Variants in HACD2 observed in about 807,000 individuals in gnomAD.
The protein encoded by HACD2 is 3-hydroxyacyl-CoA dehydratase 2.
HACD2 carries 15 observed loss-of-function variants against 31.0 expected under a neutral mutation model. The ratio of observed to expected loss-of-function variants is 0.48; its 90% CI spans 0.32 to 0.75. The LOEUF is 0.75. HACD2 is among the 30% of genes least tolerant of loss of function. HACD2 has a pLI of 0.03. For synonymous variants in HACD2, 115 were observed against 122.2 expected (o/e 0.94, Z 0.39); for missense variants, 283 against 313.0 (o/e 0.90, Z 0.72).
intron 1 of HACD2, among the ~76,000 whole-genome samples, chr3:123,582,589 C>T (rs77002070): frequency 6.6e-6 from 1 of 152,036 alleles, no homozygotes; most frequent in Non-Finnish European, 1.5e-5. Context: ...GGCAACTTTG[C>T]TATTGAGATC....
intron 3 of HACD2, among the ~76,000 whole-genome samples, chr3:123,542,769 A>G (rs1213545981): frequency 6.6e-6 from 1 of 152,256 alleles, no homozygotes; most frequent in Non-Finnish European, 1.5e-5. Context: ...ATGAGCCGAA[A>G]CATTCTGTCG....
intron 4 of HACD2, among the ~76,000 whole-genome samples, chr3:123,511,346 T>C (rs1006760110): frequency 1.3e-5 from 2 of 152,126 alleles, no homozygotes; most frequent in Non-Finnish European, 2.9e-5. Flanking sequence ...GGGTCTCACA[T>C]GCATGTGAAC....
At chr3:123,514,192 T>C (rs1381759803) in intron 4 of HACD2, among the ~76,000 whole-genome samples, 2 of 152,078 alleles carry the variant, frequency 1.3e-5, no homozygotes, top group Non-Finnish European at 2.9e-5. Context: ...GGAGAATCGC[T>C]TGAGCCCAGG....
intron 2 of HACD2, among the ~76,000 whole-genome samples, chr3:123,571,142 T>C (rs1272385804): frequency 6.6e-6 from 1 of 152,194 alleles, no homozygotes; most frequent in Non-Finnish European, 1.5e-5. Flanking sequence ...CTGTAATGCT[T>C]ACAGAACAGA....
chr3:123,513,485 G>A (rs2056089575), intron 4 of HACD2, among the ~76,000 whole-genome samples: 1 of 152,234 alleles, frequency 6.6e-6, no homozygotes, highest in African/African-American at 2.4e-5. Context: ...CTCCTGAGAA[G>A]AGCAGGCATG....
At chr3:123,512,404 T>A (rs964198778) in intron 4 of HACD2, among the ~76,000 whole-genome samples, 1 of 152,068 alleles carries the variant, frequency 6.6e-6, no homozygotes, top group Admixed American at 6.5e-5. Context: ...TGTCATTAGA[T>A]AAGATTCACC....
chr3:123,499,019 C>A (rs556563415), intron 6 of HACD2, among the ~76,000 whole-genome samples: 1 of 152,358 alleles, frequency 6.6e-6, no homozygotes, highest in African/African-American at 2.4e-5. Flanking sequence ...CTTGCAGGAA[C>A]TCTCAGGTAA....
chr3:123,508,520 G>C (rs1246212684), intron 4 of HACD2, among the ~76,000 whole-genome samples: 1 of 152,156 alleles, frequency 6.6e-6, no homozygotes, highest in East Asian at 1.9e-4. Flanking sequence ...TACAGTCAAA[G>C]AAAAACAGAT....
chr3:123,534,720 C>T (rs912118687), intron 3 of HACD2, among the ~76,000 whole-genome samples: 6 of 151,350 alleles, frequency 4.0e-5, no homozygotes, highest in Non-Finnish European at 5.9e-5. Flanking sequence ...TTAGTGCCTC[C>T]GAAGACCTTA....
At chr3:123,523,182 C>T (rs1576748287) in intron 4 of HACD2, among the ~76,000 whole-genome samples, 1 of 152,126 alleles carries the variant, frequency 6.6e-6, no homozygotes, top group African/African-American at 2.4e-5. Flanking sequence ...ACCCCAACAA[C>T]GAAAACAGGT....
rs575287340 is a variant in HACD2 at position 123,576,202 on chromosome 3, C to T, written c.273+6010G>A. Reference sequence around the variant, plus strand: ...TCTTCAGTATCACCTATTTCTTGCACTGTGGCTCCTTCGTGCCCTATATTG... The same window carrying T: ...TCTTCAGTATCACCTATTTCTTGCATTGTGGCTCCTTCGTGCCCTATATTG... On this transcript the variant is annotated intron_variant, in intron 2 of 6. Coordinates refer to ENST00000383657, the MANE Select transcript of HACD2 (RefSeq NM_198402.5). 2.0e-5 allele frequency among the ~76,000 whole-genome samples: 3 copies of T among 152,084 alleles called. No individual in the cohort carries two copies. The East Asian group carries it at 5.8e-4, about 29-fold the overall frequency.
At chr3:123,568,529 G>T (rs2056819120) in intron 2 of HACD2, among the ~76,000 whole-genome samples, 1 of 152,056 alleles carries the variant, frequency 6.6e-6, no homozygotes, top group Non-Finnish European at 1.5e-5. Flanking sequence ...CGATTCTGGG[G>T]TCTGTCTTCC....
At chr3:123,537,239 A>G (rs1375498759) in intron 3 of HACD2, among the ~76,000 whole-genome samples, 1 of 152,186 alleles carries the variant, frequency 6.6e-6, no homozygotes, top group East Asian at 1.9e-4. Context: ...ATATAGGTAA[A>G]CATAATTTGA....
rs1335091685 is a variant in HACD2, at chr3:123,492,505, C to T, written c.*2383G>A. ...GTTACTGAGAGAGGTTACTGAAGGA[C>T]ACAGTGACATGCCTTACTTATCTGC... On this transcript the variant is annotated 3_prime_UTR_variant, in exon 7 of 7. Coordinates refer to ENST00000383657, the MANE Select transcript of HACD2 (RefSeq NM_198402.5). 6.6e-6 allele frequency: 1 copy of T among 152,158 alleles called. No individual in the cohort carries two copies. Among genetic ancestry groups the T allele is most frequent in the East Asian group, 1.9e-4 (1 of 5,202 alleles). The allele number at this position is 152,158 out of a possible 1,614,324, so 9.4% of individuals were successfully genotyped here. A position where few individuals can be genotyped will look rare whatever the true frequency, so the allele number is the denominator to read the frequency against.
intron 3 of HACD2, among the ~76,000 whole-genome samples, chr3:123,531,594 A>C (rs544886223): frequency 6.6e-6 from 1 of 152,320 alleles, no homozygotes; most frequent in South Asian, 2.1e-4. Flanking sequence ...GGTGTGAGTG[A>C]GCCACCACAC....
At chr3:123,539,194 C>T (rs1559917736) in intron 3 of HACD2, among the ~76,000 whole-genome samples, 1 of 152,224 alleles carries the variant, frequency 6.6e-6, no homozygotes, top group African/African-American at 2.4e-5. Context: ...CTCTCAAAAC[C>T]TTCTGGGGCG....
chr3:123,557,835 C>CA (rs754664260), intron 3 of HACD2, among the ~76,000 whole-genome samples: 1 of 152,218 alleles, frequency 6.6e-6, no homozygotes, highest in African/African-American at 2.4e-5. Context: ...CTTGGGAAAG[C>CA]AAAACGGTAC....
chr3:123,522,349 AGAG>A (rs1480446062), intron 4 of HACD2, among the ~76,000 whole-genome samples: 7 of 126,504 alleles, frequency 5.5e-5, no homozygotes, highest in Non-Finnish European at 8.8e-5. Flanking sequence ...AAAAAAAAAA[AGAG>A]AGAGAGAGAG....
Position 123,583,732 on chromosome 3 carries a change from TA to T in HACD2, c.155+1140del, listed in dbSNP as rs535319617. On this transcript the variant is annotated intron_variant, in intron 1 of 6. Coordinates refer to ENST00000383657, the MANE Select transcript of HACD2 (RefSeq NM_198402.5). ...GCATTTGTCTTATTTTAAAAAGGGATAGGGGGATGTATAAACATATTTGCTT... is the reference window on the plus strand; with the variant it reads ...GCATTTGTCTTATTTTAAAAAGGGATGGGGGATGTATAAACATATTTGCTT... Among the ~76,000 whole-genome samples, 1,480 of 152,212 alleles carry T rather than the reference TA, an allele frequency of 9.7e-3. 16 individuals carry two copies. Among genetic ancestry groups the T allele is most frequent in the South Asian group, 0.047 (227 of 4,816 alleles).
Sources: gnomAD v4.1 joint callset for allele counts (sites outside exome capture counted in the v4.1 genomes callset) on GRCh38, gnomAD v4.1.1 for gene constraint, MANE v1.5 for transcripts, NCBI Gene and HGNC (gene_info 2026-07-23, HGNC 2026-07-21) for gene names.